MPP7: variants seen among roughly 807,000 people sequenced by gnomAD.
MPP7 encodes MAGUK p55 subfamily member 7.
In MPP7, 60 loss-of-function variants were observed where a neutral mutation model predicts 76.5. That is an observed-to-expected ratio of 0.78 (90% CI 0.64 to 0.97). The LOEUF is 0.97. MPP7 is among the 50% of genes least tolerant of loss of function. The probability of loss-of-function intolerance (pLI) is 0.00; values close to 1 mark genes in which losing one functional copy is unlikely to be tolerated. For synonymous variants in MPP7, 237 were observed against 244.5 expected (o/e 0.97, Z 0.29); for missense variants, 641 against 694.0 (o/e 0.92, Z 0.86).
chr10:28,093,289 T>A (rs1229843648), intron 11 of MPP7, among the ~76,000 whole-genome samples: 1 of 152,144 alleles, frequency 6.6e-6, no homozygotes, highest in Non-Finnish European at 1.5e-5. Context: ...GGCACAGGAA[T>A]GGATATAACA....
intron 3 of MPP7, among the ~76,000 whole-genome samples, chr10:28,197,246 G>C (rs1391840303): frequency 1.4e-5 from 2 of 145,162 alleles, no homozygotes. Flanking sequence ...ACAGTGGCAC[G>C]ATCTCAGCTC....
intron 12 of MPP7, among the ~76,000 whole-genome samples, chr10:28,080,486 T>C (rs1852707768): frequency 6.6e-6 from 1 of 152,186 alleles, no homozygotes; most frequent in South Asian, 2.1e-4. Context: ...CATAGACTTA[T>C]CGCCTTCTAA....
At chr10:28,202,058 G>C in intron 3 of MPP7, 95 bp downstream of exon 3, 1 of 859,902 alleles carries the variant, frequency 1.2e-6, no homozygotes, top group Admixed American at 2.0e-5. Flanking sequence ...TTTGTTTTCA[G>C]AGAGCAACAA....
At chr10:28,157,310 ATCTG>A (rs570201114) in intron 3 of MPP7, among the ~76,000 whole-genome samples, 385 of 152,336 alleles carry the variant, frequency 2.5e-3, no homozygotes, top group Non-Finnish European at 4.3e-3. Flanking sequence ...GTCAGCTCTC[ATCTG>A]TCTATCATTT....
At chr10:28,082,444 C>A (rs891335718) in intron 12 of MPP7, among the ~76,000 whole-genome samples, 1 of 151,374 alleles carries the variant, frequency 6.6e-6, no homozygotes, top group Non-Finnish European at 1.5e-5. Context: ...CTCCTTCCTC[C>A]TCCTTCCTTA....
intron 3 of MPP7, among the ~76,000 whole-genome samples, chr10:28,193,175 CA>C (rs1269435485): frequency 6.6e-6 from 1 of 150,704 alleles, no homozygotes; most frequent in Non-Finnish European, 1.5e-5. Context: ...TTGAGTTTGA[CA>C]ATGAGTTTTT....
At chr10:28,107,664 C>A (rs1347129601) in intron 11 of MPP7, among the ~76,000 whole-genome samples, 1 of 152,156 alleles carries the variant, frequency 6.6e-6, no homozygotes, top group Non-Finnish European at 1.5e-5. Flanking sequence ...TCTGAAACCA[C>A]TGCATGGGCT....
intron 1 of MPP7, among the ~76,000 whole-genome samples, chr10:28,244,884 A>G (rs1588974760): frequency 2.0e-5 from 3 of 152,282 alleles, no homozygotes; most frequent in Admixed American, 2.0e-4. Context: ...TGAATGAACT[A>G]GCACTTGCAG....
intron 5 of MPP7, among the ~76,000 whole-genome samples, chr10:28,133,698 AAATAC>A (rs2133691150): frequency 6.6e-6 from 1 of 152,180 alleles, no homozygotes; most frequent in African/African-American, 2.4e-5. Context: ...CGAAAACAAG[AAATAC>A]AACATTAACC....
At chr10:28,268,930 A>T (rs369158437) in intron 1 of MPP7, among the ~76,000 whole-genome samples, 3 of 147,504 alleles carry the variant, frequency 2.0e-5, no homozygotes, top group African/African-American at 7.5e-5. Flanking sequence ...AAAAAAAACA[A>T]AGAAAAAGAA....
chr10:28,277,810 G>C (rs901026559), intron 1 of MPP7, among the ~76,000 whole-genome samples: 1 of 152,090 alleles, frequency 6.6e-6, no homozygotes, highest in African/African-American at 2.4e-5. Flanking sequence ...AAGGGGAAAA[G>C]AGCAGGTCTG....
chr10:28,251,767 T>C (rs1839621691), intron 1 of MPP7, among the ~76,000 whole-genome samples: 1 of 152,008 alleles, frequency 6.6e-6, no homozygotes, highest in African/African-American at 2.4e-5. Flanking sequence ...TATTCACTTT[T>C]GCCATTTAGC....
intron 11 of MPP7, among the ~76,000 whole-genome samples, chr10:28,109,056 G>A (rs1395195257): frequency 6.6e-6 from 1 of 152,172 alleles, no homozygotes. Flanking sequence ...GGGAGGCTGA[G>A]GCGGGCAGAT....
At chr10:28,067,148 T>A (rs1282655617) in intron 13 of MPP7, among the ~76,000 whole-genome samples, 2 of 152,200 alleles carry the variant, frequency 1.3e-5, no homozygotes, top group Non-Finnish European at 2.9e-5. Flanking sequence ...TGTGTTAATT[T>A]ACATTCCCAT....
intron 2 of MPP7, among the ~76,000 whole-genome samples, chr10:28,321,962 TG>T (rs1465487190): frequency 6.6e-6 from 1 of 150,542 alleles, no homozygotes; most frequent in Non-Finnish European, 1.5e-5. Context: ...TGTGTGTGTG[TG>T]TGTGTGTGTG....
At chr10:28,152,184 T>C (rs2133784223) in intron 3 of MPP7, among the ~76,000 whole-genome samples, 1 of 152,310 alleles carries the variant, frequency 6.6e-6, no homozygotes, top group Admixed American at 6.5e-5. Context: ...TTCTCTTCCA[T>C]CATCTTCTCC....
At chr10:28,321,643 G>A (rs1834369869) in intron 2 of MPP7, among the ~76,000 whole-genome samples, 1 of 152,044 alleles carries the variant, frequency 6.6e-6, no homozygotes, top group Non-Finnish European at 1.5e-5. Context: ...GGAGTGCAGT[G>A]GTGCGATCTC....
chr10:28,055,775 G>C (rs1851529515), intron 16 of MPP7, among the ~76,000 whole-genome samples: 1 of 152,008 alleles, frequency 6.6e-6, no homozygotes, highest in Admixed American at 6.6e-5. Flanking sequence ...GGTATTTTTA[G>C]CTTTAAAAAT....
chr10:28,190,755 AAAAG>A (rs1213308909), intron 3 of MPP7, among the ~76,000 whole-genome samples: 2 of 152,118 alleles, frequency 1.3e-5, no homozygotes, highest in Non-Finnish European at 2.9e-5. Context: ...GGAAACCAGA[AAAAG>A]AAGAGCAAGT....
Sources: allele counts gnomAD v4.1 joint callset (sites outside exome capture counted in the v4.1 genomes callset), GRCh38; gene constraint gnomAD v4.1.1; transcripts MANE v1.5; gene names NCBI Gene and HGNC (gene_info 2026-07-23, HGNC 2026-07-21).